RUNDC3B: variants seen among roughly 807,000 people sequenced by gnomAD.
The protein encoded by RUNDC3B is RUN domain containing 3B.
In RUNDC3B, 33 loss-of-function variants were observed where a neutral mutation model predicts 58.4. That is an observed-to-expected ratio of 0.56 (90% CI 0.43 to 0.75). RUNDC3B has a LOEUF of 0.75. RUNDC3B is among the 30% of genes least tolerant of loss of function. RUNDC3B has a pLI of 0.00. For synonymous variants in RUNDC3B, 193 were observed against 195.2 expected (o/e 0.99, Z 0.10); for missense variants, 501 against 535.7 (o/e 0.94, Z 0.64).
chr7:87,628,657 C>G lies in RUNDC3B; in HGVS notation c.-167C>G. On this transcript the variant is annotated 5_prime_UTR_variant, in exon 1 of 11. Transcript: ENST00000394654. ...GGGTGCCAAGGGCGAGCCGTCAGTC[C>G]CCGGGTGCGAGTCCCTGCTGTCTTC... 2 of 399,916 alleles carry G rather than the reference C, an allele frequency of 5.0e-6. No homozygotes were observed. Among genetic ancestry groups the G allele is most frequent in the Non-Finnish European group, 8.6e-6 (2 of 232,352 alleles). 24.8% of individuals were successfully genotyped at this position (399,916 alleles called of 1,614,324 possible).
intron 4 of RUNDC3B, among the ~76,000 whole-genome samples, chr7:87,738,336 T>TA (rs1386405965): frequency 4.6e-5 from 7 of 151,984 alleles, no homozygotes; most frequent in Non-Finnish European, 8.8e-5. Flanking sequence ...GTAGAATATG[T>TA]AAAAAAATCC....
intron 4 of RUNDC3B, among the ~76,000 whole-genome samples, chr7:87,727,629 A>T (rs1831316454): frequency 6.6e-6 from 1 of 152,076 alleles, no homozygotes; most frequent in African/African-American, 2.4e-5. Context: ...ATCGACTAGG[A>T]AAAAAAATCT....
In RUNDC3B at chr7:87,739,808, G is replaced by A. The variant is rs867326157; in HGVS notation, c.476G>A (p.Gly159Glu). Residue 159 changes from glycine to glutamate, a missense_variant, in exon 5 of 11, where the codon GGA becomes GAA. Transcript: ENST00000394654. Reference protein sequence around the residue: ...FKTTRRFYEDGAIVLGEEANM... With the variant: ...FKTTRRFYEDEAIVLGEEANM... ...TTTTTTAGGAGATTTTATGAAGATG[G>A]AGCAATTGTCTTGGGTGAAGAAGCA... The A allele has an allele frequency of 6.4e-7, 1 of 1,572,490 alleles. No homozygotes were observed. Among genetic ancestry groups the A allele is most frequent in the South Asian group, 1.1e-5 (1 of 87,516 alleles).
rs538856353 is a variant in RUNDC3B, at chr7:87,711,619, T to C, written c.458+964T>C. On this transcript the variant is annotated intron_variant, in intron 4 of 10. Coordinates refer to ENST00000394654, the MANE Select transcript of RUNDC3B (RefSeq NM_001134405.2). ...AAATGAAAAGATTTAATAATTTTAA[T>C]AACTTAGACATAAACTGTTTAATGT... Among the ~76,000 whole-genome samples the C allele has an allele frequency of 5.3e-5, 8 of 152,274 alleles. No individual in the cohort carries two copies. In the South Asian group the frequency reaches 1.5e-3, roughly 28 times the overall value.
intron 6 of RUNDC3B, among the ~76,000 whole-genome samples, chr7:87,750,293 G>C (rs1584096529): frequency 1.3e-5 from 2 of 151,948 alleles, no homozygotes; most frequent in East Asian, 1.9e-4. Context: ...GGACATTTGG[G>C]TTGGTTCCAA....
intron 2 of RUNDC3B, among the ~76,000 whole-genome samples, chr7:87,668,808 A>G (rs1010290398): frequency 9.9e-5 from 15 of 152,030 alleles, no homozygotes; most frequent in Non-Finnish European, 2.9e-5. Flanking sequence ...CATAGTCTTG[A>G]CTTCTATTTT....
At chr7:87,829,549 CTT>C (rs1308893841) in intron 10 of RUNDC3B, among the ~76,000 whole-genome samples, 1 of 152,074 alleles carries the variant, frequency 6.6e-6, no homozygotes. Flanking sequence ...TTCCATTGGT[CTT>C]TGTGTCTGTA....
At chr7:87,709,209 A>C (rs113094805) in intron 3 of RUNDC3B, 1 of 982,472 alleles carries the variant, frequency 1.0e-6, no homozygotes, top group Admixed American at 6.2e-5. Flanking sequence ...AGGAAGCAAG[A>C]TTTTCCCTAC....
intron 3 of RUNDC3B, among the ~76,000 whole-genome samples, chr7:87,710,036 C>A (rs1055793002): frequency 7.2e-5 from 11 of 151,974 alleles, no homozygotes; most frequent in Admixed American, 6.6e-4. Flanking sequence ...TGGGGACACC[C>A]AAATTCAATA....
chr7:87,776,407 C>T (rs979306879), intron 7 of RUNDC3B, among the ~76,000 whole-genome samples: 2 of 151,962 alleles, frequency 1.3e-5, no homozygotes, highest in Non-Finnish European at 2.9e-5. Context: ...CTAGGCTCAT[C>T]AATATAGACA....
chr7:87,702,700 A>G (rs1829203532), intron 3 of RUNDC3B, among the ~76,000 whole-genome samples: 2 of 152,192 alleles, frequency 1.3e-5, no homozygotes, highest in South Asian at 2.1e-4. Context: ...GGATTATAAA[A>G]TGTCTGAACT....
chr7:87,801,574 A>G (rs1013441812), intron 8 of RUNDC3B, among the ~76,000 whole-genome samples: 1 of 152,036 alleles, frequency 6.6e-6, no homozygotes, highest in Non-Finnish European at 1.5e-5. Flanking sequence ...CCTGGCCAAC[A>G]TGGTGAAACC....
At chr7:87,698,282 A>G (rs192961912) in intron 2 of RUNDC3B, among the ~76,000 whole-genome samples, 1 of 152,116 alleles carries the variant, frequency 6.6e-6, no homozygotes, top group Non-Finnish European at 1.5e-5. Flanking sequence ...TTGCACTTTT[A>G]GTAGAGAGGG....
intron 3 of RUNDC3B, among the ~76,000 whole-genome samples, chr7:87,707,659 G>A (rs1829727115): frequency 6.6e-6 from 1 of 151,870 alleles, no homozygotes; most frequent in Non-Finnish European, 1.5e-5. Context: ...GGGTGATAGA[G>A]CAAGACCCTG....
chr7:87,819,638 T>C (rs1837298575), intron 10 of RUNDC3B, among the ~76,000 whole-genome samples: 1 of 152,110 alleles, frequency 6.6e-6, no homozygotes, highest in African/African-American at 2.4e-5. Flanking sequence ...TAGTTGGAAG[T>C]AAAGCACTCC....
chr7:87,718,697 T>A (rs533984261), intron 4 of RUNDC3B, among the ~76,000 whole-genome samples: 10 of 152,190 alleles, frequency 6.6e-5, no homozygotes, highest in African/African-American at 2.4e-4. Context: ...AAATTGTTAA[T>A]TGATGTTTAC....
At chr7:87,660,401 G>A (rs1352756182) in intron 2 of RUNDC3B, among the ~76,000 whole-genome samples, 2 of 152,006 alleles carry the variant, frequency 1.3e-5, no homozygotes, top group African/African-American at 4.8e-5. Flanking sequence ...CTAGTTAGTT[G>A]TAGTATTTCC....
At chr7:87,654,222 T>TA (rs369418550) in intron 2 of RUNDC3B, among the ~76,000 whole-genome samples, 3 of 151,704 alleles carry the variant, frequency 2.0e-5, no homozygotes, top group Non-Finnish European at 2.9e-5. Flanking sequence ...TTCACAGAAA[T>TA]AAAAAAGACA....
intron 4 of RUNDC3B, among the ~76,000 whole-genome samples, chr7:87,720,116 T>A (rs1315531369): frequency 1.3e-5 from 2 of 152,052 alleles, no homozygotes; most frequent in Non-Finnish European, 2.9e-5. Flanking sequence ...AAGACTTTTT[T>A]AATTAATACA....
Sources: allele counts gnomAD v4.1 joint callset (sites outside exome capture counted in the v4.1 genomes callset), GRCh38; gene constraint gnomAD v4.1.1; transcripts MANE v1.5; gene names NCBI Gene and HGNC (gene_info 2026-07-23, HGNC 2026-07-21).